The following ARMH3 variants were observed in gnomAD, a reference collection of about 807,000 sequenced individuals.
ARMH3 encodes armadillo-like helical domain-containing protein 3.
Under a neutral mutation model 99.1 loss-of-function variants are expected in ARMH3, and 60 were observed. That is an observed-to-expected ratio of 0.61 (90% CI 0.49 to 0.75). The LOEUF is 0.75. ARMH3 is among the 30% of genes least tolerant of loss of function. The pLI is 0.00. For missense variants in ARMH3, 679 were observed against 843.1 expected, an observed-to-expected ratio of 0.81 and a Z score of 2.41; for synonymous variants, 285 against 292.8, an observed-to-expected ratio of 0.97 and a Z score of 0.27.
chr10:102,023,783 C>G (rs1193659740), intron 6 of ARMH3, 34 bp from the exon 7 acceptor site: 1 of 1,568,868 alleles, frequency 6.4e-7, no homozygotes, highest in Non-Finnish European at 8.8e-7. Flanking sequence ...AAAGTCTGTT[C>G]TGAGGTATTC....
intron 19 of ARMH3, among the ~76,000 whole-genome samples, chr10:101,979,055 G>C (rs1201406830): frequency 1.3e-5 from 2 of 152,080 alleles, no homozygotes; most frequent in East Asian, 3.8e-4. Context: ...GAAACAGGAG[G>C]ATCGCCTGAG....
chr10:101,862,227 T>C (rs537661327), intron 24 of ARMH3, among the ~76,000 whole-genome samples: 1 of 151,862 alleles, frequency 6.6e-6, no homozygotes, highest in Non-Finnish European at 1.5e-5. Flanking sequence ...ATAGGGCAAA[T>C]GGAAACATAC....
At chr10:101,948,535 G>C (rs1564784446) in intron 22 of ARMH3, among the ~76,000 whole-genome samples, 1 of 152,092 alleles carries the variant, frequency 6.6e-6, no homozygotes, top group South Asian at 2.1e-4. Flanking sequence ...AATGATAAAA[G>C]AGTCAATTTG....
chr10:101,904,555 T>C (rs759105061), intron 23 of ARMH3, among the ~76,000 whole-genome samples: 3 of 152,212 alleles, frequency 2.0e-5, no homozygotes, highest in Non-Finnish European at 4.4e-5. Context: ...TGGCTTTAGT[T>C]GTCTCAAAGC....
intron 23 of ARMH3, among the ~76,000 whole-genome samples, chr10:101,937,667 C>A (rs537724117): frequency 6.6e-6 from 1 of 152,078 alleles, no homozygotes; most frequent in East Asian, 1.9e-4. Flanking sequence ...GTACATAATA[C>A]ACCCTATAGA....
rs2067074063 is a variant in ARMH3, at chr10:102,029,456, T to C, written c.414+182A>G. 3.2e-6 allele frequency: 5 copies of C among 1,546,866 alleles called. No individual in the cohort carries two copies. The South Asian group carries it at 5.9e-5, about 18-fold the overall frequency. On this transcript the variant is annotated intron_variant, in intron 5 of 25. Transcript: ENST00000370033. ...GAATACCTCCATTCAAATTTGAATT[T>C]AAAATTTTCCTTTATTCAGATAAAG... is the stretch of plus-strand genomic sequence containing the variant.
chr10:101,944,271 TATAGAGAGAGAGAGAGAG>T (rs1347162633), intron 22 of ARMH3, among the ~76,000 whole-genome samples: 48 of 40,002 alleles, frequency 1.2e-3, no homozygotes, highest in African/African-American at 1.5e-3. Context: ...TATATATATA[TATAGAGAGAGAGAGAGAG>T]AGAGAGAGAG....
intron 19 of ARMH3, among the ~76,000 whole-genome samples, chr10:101,986,983 T>C (rs1846540600): frequency 3.3e-5 from 5 of 152,080 alleles, no homozygotes; most frequent in Admixed American, 2.0e-4. Flanking sequence ...AGATAAAAAC[T>C]CTTTTGAGGG....
chr10:101,961,179 C>G (rs1482335348), intron 20 of ARMH3, among the ~76,000 whole-genome samples: 1 of 152,184 alleles, frequency 6.6e-6, no homozygotes, highest in African/African-American at 2.4e-5. Flanking sequence ...CAAAAAGACT[C>G]CCAGAAGCTT....
At chr10:102,042,821 G>A (rs866037844) in intron 1 of ARMH3, among the ~76,000 whole-genome samples, 2 of 152,088 alleles carry the variant, frequency 1.3e-5, no homozygotes, top group Non-Finnish European at 2.9e-5. Context: ...GCCTGTAATC[G>A]CAGCACTTTG....
chr10:101,942,272 A>T (rs563519325), intron 22 of ARMH3, among the ~76,000 whole-genome samples: 2 of 152,360 alleles, frequency 1.3e-5, no homozygotes, highest in South Asian at 4.1e-4. Flanking sequence ...ATTGTATGTT[A>T]AAAAACACAA....
At chr10:102,011,700 G>GA (rs762985385) in intron 11 of ARMH3, 23 bp downstream of exon 11, 59,347 of 962,530 alleles carry the variant, frequency 0.062, 1 homozygote, top group South Asian at 0.083. Context: ...TTTTTCAGGA[G>GA]AAAAAAAAAA....
intron 22 of ARMH3, 53 bp from the exon 23 acceptor site, chr10:101,939,991 A>G: frequency 6.8e-7 from 1 of 1,469,790 alleles, no homozygotes; most frequent in Non-Finnish European, 9.5e-7. Flanking sequence ...TAAAACACAA[A>G]CATGAGGAAT....
At chr10:102,030,784 G>A (rs1482640421) in intron 4 of ARMH3, among the ~76,000 whole-genome samples, 1 of 151,762 alleles carries the variant, frequency 6.6e-6, no homozygotes, top group Non-Finnish European at 1.5e-5. Flanking sequence ...GTTTTGTCTT[G>A]TTTTTGTTTT....
intron 23 of ARMH3, among the ~76,000 whole-genome samples, chr10:101,899,015 G>C (rs557614706): frequency 6.6e-6 from 1 of 152,288 alleles, no homozygotes; most frequent in South Asian, 2.1e-4. Context: ...CGAACAACAT[G>C]GTTCATACAG....
intron 22 of ARMH3, among the ~76,000 whole-genome samples, chr10:101,945,491 G>T (rs1296895017): frequency 6.6e-6 from 1 of 152,152 alleles, no homozygotes; most frequent in Non-Finnish European, 1.5e-5. Flanking sequence ...GCTGAGGCGG[G>T]TGGATCACCT....
At chr10:101,973,960 G>A (rs1208705692) in intron 20 of ARMH3, among the ~76,000 whole-genome samples, 1 of 151,994 alleles carries the variant, frequency 6.6e-6, no homozygotes, top group African/African-American at 2.4e-5. Flanking sequence ...CTATCCATAG[G>A]CAGCAATAAT....
chr10:101,918,733 C>T (rs971001765), intron 23 of ARMH3, among the ~76,000 whole-genome samples: 2 of 152,126 alleles, frequency 1.3e-5, no homozygotes, highest in African/African-American at 4.8e-5. Context: ...AAACACTAAG[C>T]AAAACAAATG....
At chr10:102,053,621 T>G (rs1387307799) in intron 1 of ARMH3, among the ~76,000 whole-genome samples, 1 of 151,734 alleles carries the variant, frequency 6.6e-6, no homozygotes, top group Admixed American at 6.6e-5. Flanking sequence ...TTTCCCTGAC[T>G]CTCCCAAGCA....
Sources: allele counts gnomAD v4.1 joint callset (sites outside exome capture counted in the v4.1 genomes callset), GRCh38; gene constraint gnomAD v4.1.1; transcripts MANE v1.5; gene names NCBI Gene and HGNC (gene_info 2026-07-23, HGNC 2026-07-21).